Variants in VOPP1 observed in about 807,000 individuals in gnomAD.
VOPP1 encodes WW domain binding protein VOPP1.
A neutral mutation model predicts 23.5 loss-of-function variants in VOPP1; 8 were observed. The observed-to-expected ratio is 0.34, with a 90% CI of 0.20 to 0.61. The LOEUF is 0.61. VOPP1 is among the 20% of genes least tolerant of loss of function. The pLI, the probability that VOPP1 is intolerant of heterozygous loss-of-function variation, is 0.78. For synonymous variants in VOPP1, 83 were observed against 97.3 expected, an observed-to-expected ratio of 0.85 and a Z score of 0.86; for missense variants, 174 against 238.1, an observed-to-expected ratio of 0.73 and a Z score of 1.77.
chr7:55,533,788 G>A (rs1455252145), intron 1 of VOPP1, among the ~76,000 whole-genome samples: 1 of 152,172 alleles, frequency 6.6e-6, no homozygotes, highest in African/African-American at 2.4e-5. Flanking sequence ...ACATAGTGAT[G>A]GGGTGAACTT....
At chr7:55,520,972 C>T (rs1274064080) in intron 2 of VOPP1, 100 bp downstream of exon 2, 8 of 1,302,486 alleles carry the variant, frequency 6.1e-6, no homozygotes, top group South Asian at 5.5e-5. Flanking sequence ...GGCTGGGCCA[C>T]GCCGGGCTTT....
intron 4 of VOPP1, among the ~76,000 whole-genome samples, chr7:55,480,159 C>T (rs1792596183): frequency 6.6e-6 from 1 of 152,106 alleles, no homozygotes; most frequent in African/African-American, 2.4e-5. Flanking sequence ...CTATGATTTG[C>T]AGTAATTGAT....
intron 4 of VOPP1, among the ~76,000 whole-genome samples, chr7:55,440,193 CAT>C (rs1026636029): frequency 1.3e-5 from 2 of 152,180 alleles, no homozygotes; most frequent in Non-Finnish European, 2.9e-5. Flanking sequence ...CGAGGGTACA[CAT>C]AGTGACAAGC....
chr7:55,543,593 T>C (rs143245577), intron 1 of VOPP1, among the ~76,000 whole-genome samples: 4 of 152,348 alleles, frequency 2.6e-5, no homozygotes, highest in Non-Finnish European at 4.4e-5. Context: ...TTTTTGATAA[T>C]AGCCATTTTA....
intron 1 of VOPP1, among the ~76,000 whole-genome samples, chr7:55,560,530 G>C (rs1797951800): frequency 6.6e-6 from 1 of 152,184 alleles, no homozygotes; most frequent in Non-Finnish European, 1.5e-5. Context: ...TAGATGCTGG[G>C]ACAGGCCAGG....
intron 1 of VOPP1, 85 bp from the exon 2 acceptor site, chr7:55,521,215 T>A: frequency 7.3e-7 from 1 of 1,374,762 alleles, no homozygotes; most frequent in Non-Finnish European, 1.0e-6. Context: ...GAAAGAAGGA[T>A]GAGAAGACAC....
In VOPP1 at chr7:55,521,922, G is replaced by A. The variant is rs574957182; in HGVS notation, c.55-792C>T. 9 of 984,586 alleles carry A rather than the reference G, an allele frequency of 9.1e-6. No individual in the cohort carries two copies. The South Asian group carries it at 3.3e-4, about 36-fold the overall frequency. 61.0% of individuals were successfully genotyped at this position (984,586 alleles called of 1,614,324 possible). On this transcript the variant is annotated intron_variant, in intron 1 of 4. Transcript: ENST00000285279. ...AGGCTTTTCTAAAATTATTCCATTCGTGCTGTCATTTTTGTTTTACATTCA... is the reference window on the plus strand; with the variant it reads ...AGGCTTTTCTAAAATTATTCCATTCATGCTGTCATTTTTGTTTTACATTCA...
chr7:55,537,886 A>C (rs914943124), intron 1 of VOPP1, among the ~76,000 whole-genome samples: 5 of 152,116 alleles, frequency 3.3e-5, no homozygotes, highest in Non-Finnish European at 7.4e-5. Context: ...CAAACCACTT[A>C]CTAAGTGCCA....
At chr7:55,462,668 T>TGGTTC (rs1323301286) in intron 4 of VOPP1, among the ~76,000 whole-genome samples, 3 of 149,034 alleles carry the variant, frequency 2.0e-5, no homozygotes, top group Admixed American at 1.3e-4. Flanking sequence ...TTTTTTTTTT[T>TGGTTC]TTTTTGAGAC....
chr7:55,555,337 CTCACTTTCAGCACT>C (rs1202939227), intron 1 of VOPP1, among the ~76,000 whole-genome samples: 1 of 152,224 alleles, frequency 6.6e-6, no homozygotes, highest in African/African-American at 2.4e-5. Flanking sequence ...ATGACAATCG[CTCACTTTCAGCACT>C]ACCATTTCCG....
chr7:55,500,276 A>C lies in VOPP1; in HGVS notation c.114-2586T>G, dbSNP rs564307953. Among the ~76,000 whole-genome samples the C allele has an allele frequency of 4.8e-4, 73 of 152,344 alleles. 2 individuals are homozygous for C. In the South Asian group the frequency reaches 0.015, roughly 31 times the overall value. ...ATTCAACGAGATGGTGTGTTATCTAAGTCTCTGCCCTTGCAGACTGGAGAT... is the reference window on the plus strand; with the variant it reads ...ATTCAACGAGATGGTGTGTTATCTACGTCTCTGCCCTTGCAGACTGGAGAT... On this transcript the variant is annotated intron_variant, in intron 2 of 4. Coordinates refer to ENST00000285279, the MANE Select transcript of VOPP1 (RefSeq NM_030796.5).
At chr7:55,520,872 G>A (rs918711488) in intron 2 of VOPP1, among the ~76,000 whole-genome samples, 200 bp downstream of exon 2, 2 of 152,166 alleles carry the variant, frequency 1.3e-5, no homozygotes, top group South Asian at 4.1e-4. Flanking sequence ...ATTTCAGGCT[G>A]TCCTCAACGT....
At chr7:55,497,880 G>C (rs1583924179) in intron 2 of VOPP1, among the ~76,000 whole-genome samples, 190 bp from the exon 3 acceptor site, 1 of 152,386 alleles carries the variant, frequency 6.6e-6, no homozygotes, top group South Asian at 2.1e-4. Flanking sequence ...GTGGCCCAAA[G>C]CAAGGTGCTG....
At chr7:55,539,457 G>A (rs1190811910) in intron 1 of VOPP1, 1 of 152,188 alleles carries the variant, frequency 6.6e-6, no homozygotes, top group African/African-American at 2.4e-5. Flanking sequence ...ATCCCCAGAT[G>A]ATTTAAGAAT....
chr7:55,516,932 A>ATATATATATATT (rs1562947689), intron 2 of VOPP1, among the ~76,000 whole-genome samples: 1 of 45,156 alleles, frequency 2.2e-5, no homozygotes, highest in African/African-American at 1.2e-4. Context: ...ATATATATAT[A>ATATATATATATT]TTTTTTTTTT....
intron 3 of VOPP1, among the ~76,000 whole-genome samples, chr7:55,494,263 C>G (rs139712569): frequency 1.3e-3 from 201 of 152,332 alleles, no homozygotes; most frequent in African/African-American, 4.5e-3. Flanking sequence ...GACAGTCTTA[C>G]ACTCAGCACT....
At position 55,473,666 on chromosome 7, in the gene VOPP1, C is replaced by A. The variant is rs1372196779; in HGVS notation, c.329-621G>T. ...AGGAGGGTACAGGCTGGACACCCGA[C>A]CCCAAATCTAGCCCTCACTCTGAGG... is the stretch of plus-strand genomic sequence containing the variant. On this transcript the variant is annotated intron_variant, in intron 4 of 4. Coordinates refer to ENST00000285279, the MANE Select transcript of VOPP1 (RefSeq NM_030796.5). Among the ~76,000 whole-genome samples the A allele has an allele frequency of 2.0e-5, 3 of 152,216 alleles. No individual in the cohort carries two copies. The East Asian group carries it at 5.8e-4, about 29-fold the overall frequency.
At chr7:55,445,250 CACACACACACACAGACATACACACACAG>C (rs1431828783) in intron 4 of VOPP1, among the ~76,000 whole-genome samples, 2 of 120,284 alleles carry the variant, frequency 1.7e-5, no homozygotes, top group East Asian at 5.5e-4. Flanking sequence ...CACAGACACA[CACACACACACACAGACATACACACACAG>C]ACACACACAC....
intron 1 of VOPP1, among the ~76,000 whole-genome samples, chr7:55,540,485 C>T (rs1002578759): frequency 1.3e-5 from 2 of 151,926 alleles, no homozygotes; most frequent in Non-Finnish European, 2.9e-5. Context: ...TTTGATTGCC[C>T]CAGACTGTCT....
Sources: allele counts gnomAD v4.1 joint callset (sites outside exome capture counted in the v4.1 genomes callset), GRCh38; gene constraint gnomAD v4.1.1; transcripts MANE v1.5; gene names NCBI Gene and HGNC (gene_info 2026-07-23, HGNC 2026-07-21).